The following ZNF133 variants were observed in gnomAD, a reference collection of about 807,000 sequenced individuals.
ZNF133 encodes zinc finger protein 133 (clone pHZ-13).
Under a neutral mutation model 54.9 loss-of-function variants are expected in ZNF133, and 26 were observed. The observed-to-expected ratio is 0.47, with a 90% confidence interval of 0.35 to 0.66. The LOEUF (loss-of-function observed/expected upper bound fraction) is 0.66, where lower values mean the gene tolerates loss of function less well. Among genes scored for constraint, ZNF133 ranks in the 30% least tolerant of loss-of-function variants. The pLI, the probability that ZNF133 is intolerant of heterozygous loss-of-function variation, is 0.01. For missense variants in ZNF133, 653 were observed against 820.8 expected (o/e 0.80, Z 2.50); for synonymous variants, 298 against 320.3 (o/e 0.93, Z 0.74).
chr20:18,308,356 C>T (rs943501843), intron 6 of ZNF133, among the ~76,000 whole-genome samples: 11 of 152,058 alleles, frequency 7.2e-5, no homozygotes, highest in Non-Finnish European at 1.3e-4. Context: ...TATAAATTGT[C>T]GCTGTTTTTC....
At chr20:18,293,379 C>A (rs117762497) in intron 1 of ZNF133, among the ~76,000 whole-genome samples, 1,572 of 152,318 alleles carry the variant, frequency 0.01, 14 homozygotes, top group Non-Finnish European at 0.016. Context: ...CTGGGGTCAG[C>A]TGGGACAGCA....
chr20:18,306,694 T>C (rs2044706295), intron 6 of ZNF133: 10 of 1,344,826 alleles, frequency 7.4e-6, no homozygotes, highest in Non-Finnish European at 9.8e-6. Flanking sequence ...CTTGTTACTG[T>C]TTTTTAAAAA....
chr20:18,315,490 A>G lies in ZNF133; in HGVS notation c.639A>G (p.Thr213=). ...GGATAGAAGTCTTAGGATTTGGAACAGTCAACTGTGGAGAGTGTGGACTGA... is the reference window on the plus strand; with the variant it reads ...GGATAGAAGTCTTAGGATTTGGAACGGTCAACTGTGGAGAGTGTGGACTGA... ...LKRIEVLGFG[T]VNCGECGLSF... Residue 213 remains threonine, a synonymous_variant, in exon 7 of 7, where the codon ACA becomes ACG. Transcript: ENST00000425686. 2 of 1,614,220 alleles carry G rather than the reference A, an allele frequency of 1.2e-6. No individual in the cohort carries two copies. Among genetic ancestry groups the G allele is most frequent in the East Asian group, 2.2e-5 (1 of 44,890 alleles).
At chr20:18,297,837 T>C (rs1219229690) in intron 1 of ZNF133, 148 bp from the exon 2 acceptor site, 9 of 573,088 alleles carry the variant, frequency 1.6e-5, no homozygotes, top group Non-Finnish European at 2.8e-5. Context: ...TTTCCTTTGC[T>C]GTTTCCAAGC....
intron 6 of ZNF133, among the ~76,000 whole-genome samples, chr20:18,309,350 A>T (rs1184626912): frequency 6.6e-6 from 1 of 152,206 alleles, no homozygotes; most frequent in African/African-American, 2.4e-5. Flanking sequence ...GGTCAGTTGG[A>T]TATGTAAGTC....
chr20:18,312,806 G>C (rs971071055), intron 6 of ZNF133: 1 of 152,194 alleles, frequency 6.6e-6, no homozygotes, highest in African/African-American at 2.4e-5. Flanking sequence ...CCTCCGCCAC[G>C]CAGGTTCAAG....
chr20:18,310,713 T>C (rs2045704405), intron 6 of ZNF133, among the ~76,000 whole-genome samples: 1 of 152,142 alleles, frequency 6.6e-6, no homozygotes, highest in African/African-American at 2.4e-5. Flanking sequence ...CTACAGTTAA[T>C]AACAATATAT....
intron 1 of ZNF133, among the ~76,000 whole-genome samples, chr20:18,290,939 C>T (rs2040832096): frequency 6.6e-6 from 1 of 152,094 alleles, no homozygotes; most frequent in African/African-American, 2.4e-5. Flanking sequence ...CCAGCCTGGC[C>T]AACATGGTGA....
rs2047296290 is a variant in ZNF133 at position 18,315,692 on chromosome 20, C to T, written c.841C>T (p.Arg281Trp). The T allele has an allele frequency of 2.5e-6, 4 of 1,613,646 alleles. No homozygotes were observed. The highest frequency in any genetic ancestry group is 1.3e-5 in the African/African-American group (1 of 74,866). ...CAGGGAGTGTGGACGAGGCTTTAAC[C>T]GGAAGTCAACGCTAATCATACACGA... Reference protein sequence around the residue: ...VCRECGRGFNRKSTLIIHERT... With the variant: ...VCRECGRGFNWKSTLIIHERT... The change falls in exon 7 of 7, where the codon CGG (arginine) becomes TGG (tryptophan). Residue 281 changes from arginine (R) to tryptophan (W), a missense_variant. This residue lies in a region of ZNF133 where 292 missense variants were observed against 431.6 expected (regional missense o/e 0.68). Transcript: ENST00000425686.
rs753937528 is a variant in ZNF133 at position 18,316,654 on chromosome 20, G to C, written c.1803G>C (p.Thr601=). 12 of 1,612,106 alleles carry C rather than the reference G, an allele frequency of 7.4e-6. No homozygotes were observed. Among genetic ancestry groups the C allele is most frequent in the Non-Finnish European group, 1.0e-5 (12 of 1,179,450 alleles). Residue 601 remains threonine, a synonymous_variant, in exon 7 of 7, where the codon ACG becomes ACC. Transcript: ENST00000425686. The stretch of plus-strand genomic sequence containing the variant: ...TCACCTTACATCAAATGACACATAC[G>C]GGGGAGAAGCCATATGTGTGCAAGA... The part of the protein sequence containing the change: ...SHLTLHQMTH[T]GEKPYVCKTC...
Position 18,306,822 on chromosome 20 carries a change from C to G in ZNF133, c.217+429C>G, listed in dbSNP as rs897553267. ...ATGGAATTCTAAAAAAAACTGTGAG[C>G]TATTCAAGAATGGCTTTTACATTTT... On this transcript the variant is annotated intron_variant, in intron 6 of 6. Coordinates refer to ENST00000425686, the MANE Select transcript of ZNF133 (RefSeq NM_001352452.2). 1.5e-5 allele frequency: 18 copies of G among 1,188,752 alleles called. No individual in the cohort carries two copies. In the African/African-American group the frequency reaches 2.3e-4, roughly 15 times the overall value. The allele number at this position is 1,188,752 out of a possible 1,614,324, so 73.6% of individuals were successfully genotyped here.
At chr20:18,308,790 A>C (rs1387605512) in intron 6 of ZNF133, among the ~76,000 whole-genome samples, 1 of 152,262 alleles carries the variant, frequency 6.6e-6, no homozygotes, top group Admixed American at 6.5e-5. Context: ...AATAACAGAT[A>C]AATTTCATGA....
Position 18,305,667 on chromosome 20 carries a change from G to C in ZNF133, c.-6-14G>C. On this transcript the variant is annotated splice_polypyrimidine_tract_variant and intron_variant, in intron 4 of 6. Transcript: ENST00000425686. The surrounding 1 kb of genome is among the most constrained non-coding windows in gnomAD (Gnocchi z 4.7). ...CTGGCTTCTGAGTGAGCAGGGCTCAGTTTTGTGTTACAGGCACACATGGCA... is the reference window on the plus strand; with the variant it reads ...CTGGCTTCTGAGTGAGCAGGGCTCACTTTTGTGTTACAGGCACACATGGCA... The C allele has an allele frequency of 6.2e-7, 1 of 1,614,138 alleles. No individual in the cohort carries two copies. Among genetic ancestry groups the C allele is most frequent in the Non-Finnish European group, 8.5e-7 (1 of 1,180,018 alleles).
chr20:18,311,924 C>T (rs2046111254), intron 6 of ZNF133, among the ~76,000 whole-genome samples: 1 of 152,184 alleles, frequency 6.6e-6, no homozygotes, highest in Non-Finnish European at 1.5e-5. Context: ...CAATATTAGC[C>T]TATCTGATTT....
intron 6 of ZNF133, among the ~76,000 whole-genome samples, chr20:18,309,858 C>T (rs145269990): frequency 1.9e-4 from 29 of 152,278 alleles, no homozygotes; most frequent in African/African-American, 6.7e-4. Flanking sequence ...TTGAGGGAAT[C>T]TTACAAAAAT....
In ZNF133 at chr20:18,305,635, G is replaced by A. The variant is rs749667691; in HGVS notation, c.-6-46G>A. ...TATCCCTGCCCCTCACCCTGCCATG[G>A]GCAAGGCTGGCTTCTGAGTGAGCAG... is the stretch of plus-strand genomic sequence containing the variant. On this transcript the variant is annotated intron_variant, in intron 4 of 6. Coordinates refer to ENST00000425686, the MANE Select transcript of ZNF133 (RefSeq NM_001352452.2). The surrounding 1 kb of genome is among the most constrained non-coding windows in gnomAD (Gnocchi z 4.7). 7.4e-6 allele frequency: 12 copies of A among 1,613,394 alleles called. 1 individual carries two copies. In the South Asian group the frequency reaches 1.1e-4, roughly 15 times the overall value.
At position 18,305,627 on chromosome 20, in the gene ZNF133, C is replaced by G; in HGVS notation, c.-6-54C>G. On this transcript the variant is annotated intron_variant, in intron 4 of 6. Coordinates refer to ENST00000425686, the MANE Select transcript of ZNF133 (RefSeq NM_001352452.2). This position sits in a 1 kb window ranked among gnomAD's most constrained non-coding sequence, Gnocchi z 4.7. ...GGCAGCCTTATCCCTGCCCCTCACCCTGCCATGGGCAAGGCTGGCTTCTGA... is the reference window on the plus strand; with the variant it reads ...GGCAGCCTTATCCCTGCCCCTCACCGTGCCATGGGCAAGGCTGGCTTCTGA... 6.2e-7 allele frequency: 1 copy of G among 1,613,014 alleles called. No homozygotes were observed. The highest frequency in any genetic ancestry group is 1.1e-5 in the South Asian group (1 of 90,932).
chr20:18,315,263 C>T lies in ZNF133; in HGVS notation c.412C>T (p.Pro138Ser). 6.2e-7 allele frequency: 1 copy of T among 1,614,024 alleles called. No homozygotes were observed. The highest frequency in any genetic ancestry group is 1.1e-5 in the South Asian group (1 of 91,076). The part of the protein sequence containing the change: ...EKQQQASEGR[P>S]WSDQAEGPEG... ...GCAGCAACAAGCCTCTGAGGGGAGACCCTGGAGTGATCAAGCAGAAGGTCC... is the reference window on the plus strand; with the variant it reads ...GCAGCAACAAGCCTCTGAGGGGAGATCCTGGAGTGATCAAGCAGAAGGTCC... The change falls in exon 7 of 7, where the codon CCC (proline) becomes TCC (serine). Residue 138 changes from proline (P) to serine (S), a missense_variant. By Grantham distance (74) the Pro-to-Ser change is moderately conservative (BLOSUM62 -1). Around this residue, in one of 4 missense-constraint regions of ZNF133, gnomAD observed 227 missense variants for 233.9 expected, o/e 0.97. Coordinates refer to ENST00000425686, the MANE Select transcript of ZNF133 (RefSeq NM_001352452.2).
chr20:18,314,825 C>A, intron 6 of ZNF133: 1 of 410,960 alleles, frequency 2.4e-6, no homozygotes, highest in Non-Finnish European at 4.3e-6. Context: ...TATTTACACA[C>A]CCAAAAATGC....
Sources: allele counts gnomAD v4.1 joint callset (sites outside exome capture counted in the v4.1 genomes callset), GRCh38; gene constraint gnomAD v4.1.1; regional missense constraint gnomAD v4.1.1; non-coding constraint Gnocchi (gnomAD v3.1); transcripts MANE v1.5; gene names NCBI Gene and HGNC (gene_info 2026-07-23, HGNC 2026-07-21).